ALDH1L2: variants seen among roughly 807,000 people sequenced by gnomAD.
The protein encoded by ALDH1L2 is aldehyde dehydrogenase 1 family member L2, also known as mitochondrial 10-formyltetrahydrofolate dehydrogenase.
A neutral mutation model predicts 111.0 loss-of-function variants in ALDH1L2; 91 were observed. The ratio of observed to expected loss-of-function variants is 0.82; its 90% confidence interval spans 0.69 to 0.98. The LOEUF is 0.98. Ranked by LOEUF, ALDH1L2 falls within the 50% of genes least tolerant of loss-of-function variation. The pLI is 0.00. For missense variants in ALDH1L2, 995 were observed against 1,126.8 expected (o/e 0.88, Z 1.67); for synonymous variants, 374 against 392.6 (o/e 0.95, Z 0.56).
chr12:105,057,887 A>G (rs1413820955), intron 10 of ALDH1L2, among the ~76,000 whole-genome samples, 186 bp downstream of exon 10: 4 of 152,220 alleles, frequency 2.6e-5, no homozygotes, highest in African/African-American at 7.2e-5. Flanking sequence ...AACCCTGTGA[A>G]TATATTAAAA....
intron 1 of ALDH1L2, among the ~76,000 whole-genome samples, chr12:105,077,178 G>A (rs1233801577): frequency 6.6e-6 from 1 of 152,202 alleles, no homozygotes; most frequent in African/African-American, 2.4e-5. Context: ...TCTCACTATA[G>A]GTGTCTGTCG....
In ALDH1L2 at chr12:105,023,199, C is replaced by G. The variant is rs1052760072; in HGVS notation, c.*1225G>C. On this transcript the variant is annotated 3_prime_UTR_variant, in exon 23 of 23. Coordinates refer to ENST00000258494, the MANE Select transcript of ALDH1L2 (RefSeq NM_001034173.4). ...GATTTTCATTTTATAGATACTCAAC[C>G]TAGGCTCTGAGATATTAGATTACTA... is the stretch of plus-strand genomic sequence containing the variant. 2.0e-5 allele frequency: 3 copies of G among 152,146 alleles called. No individual in the cohort carries two copies. Among genetic ancestry groups the G allele is most frequent in the Admixed American group, 6.6e-5 (1 of 15,262 alleles). 9.4% of individuals were successfully genotyped at this position (152,146 alleles called of 1,614,324 possible).
rs1358583855 is a variant in ALDH1L2 at position 105,046,216 on chromosome 12, TATATA to T, written c.1863+489_1863+493del. The stretch of plus-strand genomic sequence containing the variant: ...CTCTATATATATATATATATATATA[TATATA>T]TTTTTTTTTTTTTTTTTTTTTTTTT... On this transcript the variant is annotated intron_variant, in intron 15 of 22. Transcript: ENST00000258494. Among the ~76,000 whole-genome samples, 32 of 48,616 alleles carry T rather than the reference TATATA, an allele frequency of 6.6e-4. 1 individual carries two copies. The highest frequency in any genetic ancestry group is 3.2e-3 in the South Asian group (3 of 930). 31.9% of individuals were successfully genotyped at this position (48,616 alleles called of 152,430 possible).
At chr12:105,026,370 T>G (rs1874407566) in intron 22 of ALDH1L2, among the ~76,000 whole-genome samples, 175 bp downstream of exon 22, 1 of 152,240 alleles carries the variant, frequency 6.6e-6, no homozygotes, top group Non-Finnish European at 1.5e-5. Context: ...TCTGTATGTA[T>G]GGTATATTCA....
At position 105,049,984 on chromosome 12, in the gene ALDH1L2, G is replaced by C; in HGVS notation, c.1610C>G (p.Thr537Ser). 6.2e-7 allele frequency: 1 copy of C among 1,612,940 alleles called. No homozygotes were observed. The highest frequency in any genetic ancestry group is 8.5e-7 in the Non-Finnish European group (1 of 1,179,356). ...IEALDSGAVYTLALKTHIGMS... is the reference protein window; with the variant it reads ...IEALDSGAVYSLALKTHIGMS... ...TCCAATGTGTGTCTTCAGGGCCAAG[G>C]TATAGACAGCCCCTGAATCAAGGGC... The change falls in exon 13 of 23, where the codon ACC becomes AGC. Residue 537 changes from threonine to serine, a missense_variant. Physicochemically the swap from Thr to Ser is moderately conservative, Grantham distance 58. Coordinates refer to ENST00000258494, the MANE Select transcript of ALDH1L2 (RefSeq NM_001034173.4).
chr12:105,043,138 G>A (rs1351456889), intron 15 of ALDH1L2, among the ~76,000 whole-genome samples: 1 of 152,130 alleles, frequency 6.6e-6, no homozygotes, highest in Non-Finnish European at 1.5e-5. Context: ...CAAAGGTACA[G>A]GCAGTGTCCC....
chr12:105,049,516 A>G (rs1283091453), intron 13 of ALDH1L2: 1 of 153,266 alleles, frequency 6.5e-6, no homozygotes, highest in Non-Finnish European at 1.5e-5. Context: ...TTAGGTCGTG[A>G]GGGCTCCACC....
At chr12:105,079,578 G>A (rs1475268765) in intron 1 of ALDH1L2, among the ~76,000 whole-genome samples, 1 of 152,166 alleles carries the variant, frequency 6.6e-6, no homozygotes, top group Non-Finnish European at 1.5e-5. Context: ...TTGAGTAAAG[G>A]GAGAGACAGT....
intron 20 of ALDH1L2, among the ~76,000 whole-genome samples, chr12:105,030,830 A>G (rs1874657908): frequency 6.6e-6 from 1 of 152,336 alleles, no homozygotes; most frequent in Non-Finnish European, 1.5e-5. Flanking sequence ...CAAAATTAGT[A>G]AGTATTCTTT....
intron 15 of ALDH1L2, among the ~76,000 whole-genome samples, chr12:105,041,398 A>T (rs906265900): frequency 2.6e-5 from 4 of 152,240 alleles, no homozygotes; most frequent in African/African-American, 9.6e-5. Flanking sequence ...CACCGGAGCG[A>T]TGCTGAGCTT....
chr12:105,026,685 A>C lies in ALDH1L2; in HGVS notation c.2576T>G (p.Val859Gly), dbSNP rs1194318287. The change falls in exon 22 of 23, where the codon GTT (valine) becomes GGT (glycine). Residue 859 changes from valine (V) to glycine (G), a missense_variant. Val to Gly is a moderately radical substitution (Grantham distance 109). Coordinates refer to ENST00000258494, the MANE Select transcript of ALDH1L2 (RefSeq NM_001034173.4). The stretch of plus-strand genomic sequence containing the variant: ...AGCTTTGTTTATGTCTCTTGTAAAA[A>C]CCCCTGAGGCCAAACCATACTCTGT... ...NSTEYGLASG[V>G]FTRDINKAMY... The C allele has an allele frequency of 3.1e-6, 5 of 1,613,280 alleles. No homozygotes were observed. Among genetic ancestry groups the C allele is most frequent in the Non-Finnish European group, 4.2e-6 (5 of 1,179,802 alleles).
intron 1 of ALDH1L2, among the ~76,000 whole-genome samples, chr12:105,075,446 A>G (rs1208445853): frequency 6.6e-6 from 1 of 152,262 alleles, no homozygotes; most frequent in East Asian, 1.9e-4. Flanking sequence ...TTAGCCGGGT[A>G]TGGTGGCAGG....
intron 1 of ALDH1L2, among the ~76,000 whole-genome samples, chr12:105,075,200 A>G (rs996326094): frequency 6.6e-6 from 1 of 152,242 alleles, no homozygotes; most frequent in African/African-American, 2.4e-5. Flanking sequence ...AGAGACTGAG[A>G]TGACTCAAAT....
At chr12:105,065,184 G>T in intron 6 of ALDH1L2, 83 bp downstream of exon 6, 1 of 924,312 alleles carries the variant, frequency 1.1e-6, no homozygotes, top group Non-Finnish European at 1.6e-6. Flanking sequence ...GAAGAACCAT[G>T]GGAAGCCCAG....
intron 13 of ALDH1L2, 99 bp downstream of exon 13, chr12:105,049,809 A>T: frequency 7.4e-7 from 1 of 1,359,844 alleles, no homozygotes; most frequent in Non-Finnish European, 9.8e-7. Flanking sequence ...ATGTTGGTGT[A>T]AAAAAATCTA....
intron 22 of ALDH1L2, among the ~76,000 whole-genome samples, chr12:105,025,280 T>C (rs1292448632): frequency 6.6e-6 from 1 of 152,202 alleles, no homozygotes; most frequent in Non-Finnish European, 1.5e-5. Context: ...TCAGTATCTG[T>C]ATTTTTTGAA....
At chr12:105,039,645 C>G (rs888561568) in intron 17 of ALDH1L2, 68 bp downstream of exon 17, 1 of 1,356,852 alleles carries the variant, frequency 7.4e-7, no homozygotes, top group African/African-American at 1.4e-5. Context: ...AAAAAGTACC[C>G]TGTTTAAACA....
chr12:105,052,780 G>T (rs1160074239), intron 11 of ALDH1L2, 32 bp downstream of exon 11: 4 of 1,611,844 alleles, frequency 2.5e-6, no homozygotes, highest in African/African-American at 2.7e-5. Context: ...TCCATGACCA[G>T]TGATCACTAC....
chr12:105,071,654 TTTTTTTTTTTTTTTTTTTG>T (rs1432921136), intron 2 of ALDH1L2, among the ~76,000 whole-genome samples: 11 of 45,850 alleles, frequency 2.4e-4, no homozygotes, highest in East Asian at 2.1e-3. Context: ...TTTTTTTTTT[TTTTTTTTTTTTTTTTTTTG>T]TGAGACGGAG....
Sources: gnomAD v4.1 joint callset for allele counts (sites outside exome capture counted in the v4.1 genomes callset) on GRCh38, gnomAD v4.1.1 for gene constraint, MANE v1.5 for transcripts, NCBI Gene and HGNC (gene_info 2026-07-23, HGNC 2026-07-21) for gene names.